The following ZMYND8 variants were observed in gnomAD, a reference collection of about 807,000 sequenced individuals.
The protein encoded by ZMYND8 is zinc finger MYND-type containing 8, also known as MYND-type zinc finger-containing chromatin reader ZMYND8.
In ZMYND8, 37 loss-of-function variants were observed where a neutral mutation model predicts 140.8. That is an observed-to-expected ratio of 0.26 (90% CI 0.20 to 0.35). ZMYND8 has a LOEUF of 0.35. Ranked by LOEUF, ZMYND8 falls within the 10% of genes least tolerant of loss-of-function variation. The pLI is 1.00. For synonymous variants in ZMYND8, 592 were observed against 597.1 expected (o/e 0.99, Z 0.12); for missense variants, 1,068 against 1,570.0 (o/e 0.68, Z 5.40).
At chr20:47,339,563 G>A (rs1276687055) in intron 2 of ZMYND8, among the ~76,000 whole-genome samples, 7 of 151,916 alleles carry the variant, frequency 4.6e-5, no homozygotes, top group South Asian at 4.2e-4. Context: ...TGCAAGCTCC[G>A]CCTCCCGGGT....
At chr20:47,303,825 T>A (rs1161137919) in intron 3 of ZMYND8, among the ~76,000 whole-genome samples, 1 of 152,146 alleles carries the variant, frequency 6.6e-6, no homozygotes, top group African/African-American at 2.4e-5. Flanking sequence ...GGTGCTCCCC[T>A]CCCAACCCCA....
intron 2 of ZMYND8, among the ~76,000 whole-genome samples, chr20:47,314,226 C>T (rs530779927): frequency 8.0e-4 from 122 of 151,814 alleles, no homozygotes; most frequent in African/African-American, 2.8e-3. Context: ...TGGCCAGGTG[C>T]GGTGGCTCAC....
chr20:47,239,159 AAAC>A (rs1422711126), intron 14 of ZMYND8, 21 bp from the exon 15 acceptor site: 2 of 1,484,826 alleles, frequency 1.3e-6, no homozygotes, highest in Non-Finnish European at 1.8e-6. Context: ...CATGAAGAAA[AAAC>A]AAACAAAAAC....
At chr20:47,218,488 C>A (rs1189149252) in intron 21 of ZMYND8, among the ~76,000 whole-genome samples, 1 of 152,036 alleles carries the variant, frequency 6.6e-6, no homozygotes, top group Non-Finnish European at 1.5e-5. Flanking sequence ...TTATTGTTAA[C>A]CAACAAAAAA....
chr20:47,300,503 A>G (rs2077943436), intron 3 of ZMYND8, among the ~76,000 whole-genome samples: 1 of 152,248 alleles, frequency 6.6e-6, no homozygotes, highest in Non-Finnish European at 1.5e-5. Flanking sequence ...ATAGACAGAA[A>G]TGCTGTCAGA....
rs956325938 is a variant in ZMYND8 at position 47,226,200 on chromosome 20, C to T, written c.3016+1003G>A. On this transcript the variant is annotated intron_variant, in intron 18 of 22. Transcript: ENST00000471951. ...CGAGAAGCAACAACACCCAAATCAG[C>T]GTCCAGAAAGAATGAACCAAGGGCT... Among the ~76,000 whole-genome samples, 5 of 151,176 alleles carry T rather than the reference C, an allele frequency of 3.3e-5. No homozygotes were observed. The South Asian group carries it at 6.3e-4, about 19-fold the overall frequency.
chr20:47,278,184 C>T (rs1020314653), intron 10 of ZMYND8, among the ~76,000 whole-genome samples: 2 of 152,140 alleles, frequency 1.3e-5, no homozygotes, highest in Non-Finnish European at 2.9e-5. Context: ...GGTCTCGCTA[C>T]ATTACCCAGG....
chr20:47,213,778 A>T (rs1384396667), intron 21 of ZMYND8, among the ~76,000 whole-genome samples: 1 of 152,214 alleles, frequency 6.6e-6, no homozygotes, highest in Non-Finnish European at 1.5e-5. Context: ...GGAAGAGAAG[A>T]GTAACTCTCA....
At chr20:47,240,011 CG>C (rs1284446569) in intron 14 of ZMYND8, among the ~76,000 whole-genome samples, 4 of 151,966 alleles carry the variant, frequency 2.6e-5, no homozygotes, top group Non-Finnish European at 5.9e-5. Flanking sequence ...CTGAGGCAGG[CG>C]GATCACTTGA....
rs2077790195 is a variant in ZMYND8 at position 47,298,481 on chromosome 20, T to C, written c.453+248A>G. 1.0e-6 allele frequency: 1 copy of C among 985,238 alleles called. No individual in the cohort carries two copies. 61.0% of individuals were successfully genotyped at this position (985,238 alleles called of 1,614,324 possible). ...AAGATGCAGAGATGACGACTACAGA[T>C]CTCCAAGGAATCCAAGGACTCATGA... On this transcript the variant is annotated intron_variant, in intron 4 of 22. Coordinates refer to ENST00000471951, the MANE Select transcript of ZMYND8 (RefSeq NM_001281775.3). This position sits in a 1 kb window ranked among gnomAD's most constrained non-coding sequence, Gnocchi z 5.0.
intron 2 of ZMYND8, among the ~76,000 whole-genome samples, chr20:47,323,357 C>G (rs906918644): frequency 6.6e-6 from 1 of 152,136 alleles, no homozygotes; most frequent in Non-Finnish European, 1.5e-5. Flanking sequence ...ATCCTCCCAC[C>G]TCAGGCTCCC....
intron 6 of ZMYND8, 83 bp downstream of exon 6, chr20:47,291,713 T>G: frequency 9.7e-7 from 1 of 1,028,596 alleles, no homozygotes; most frequent in Non-Finnish European, 1.4e-6. Flanking sequence ...GTCCAACTTG[T>G]GATAGAGCAT....
intron 3 of ZMYND8, among the ~76,000 whole-genome samples, chr20:47,303,373 T>C (rs770277063): frequency 3.3e-5 from 5 of 152,208 alleles, no homozygotes; most frequent in African/African-American, 1.2e-4. Flanking sequence ...ATTTTCAGTA[T>C]CTGACTTCTT....
At chr20:47,277,576 G>T (rs2076327853) in intron 10 of ZMYND8, among the ~76,000 whole-genome samples, 1 of 152,172 alleles carries the variant, frequency 6.6e-6, no homozygotes, top group African/African-American at 2.4e-5. Context: ...CCAGTTTCTG[G>T]CTGGAAAAAC....
At chr20:47,217,335 A>G (rs79646379) in intron 21 of ZMYND8, among the ~76,000 whole-genome samples, 2,794 of 152,310 alleles carry the variant, frequency 0.018, 101 homozygotes, top group East Asian at 0.16. Flanking sequence ...TATGGTTGCA[A>G]GCATGAGTCT....
chr20:47,326,369 T>C (rs1434401824), intron 2 of ZMYND8, among the ~76,000 whole-genome samples: 1 of 152,260 alleles, frequency 6.6e-6, no homozygotes, highest in Non-Finnish European at 1.5e-5. Flanking sequence ...CCCAAAGAGC[T>C]GGGATTCCAG....
chr20:47,261,761 G>T (rs2075173184), intron 12 of ZMYND8, among the ~76,000 whole-genome samples: 1 of 152,092 alleles, frequency 6.6e-6, no homozygotes, highest in South Asian at 2.1e-4. Context: ...AACTGAGGTG[G>T]AAACACTGGC....
intron 1 of ZMYND8, chr20:47,353,769 A>G (rs953460046): frequency 2.6e-4 from 40 of 152,364 alleles, no homozygotes; most frequent in African/African-American, 9.1e-4. Flanking sequence ...CAAACGTGGC[A>G]GAGAGAACAT....
intron 12 of ZMYND8, among the ~76,000 whole-genome samples, chr20:47,256,111 C>T (rs1036729249): frequency 1.3e-5 from 2 of 151,442 alleles, no homozygotes; most frequent in South Asian, 2.1e-4. Context: ...TAAAGCTGAA[C>T]GCAAACTACA....
Sources: allele counts gnomAD v4.1 joint callset (sites outside exome capture counted in the v4.1 genomes callset), GRCh38; gene constraint gnomAD v4.1.1; non-coding constraint Gnocchi (gnomAD v3.1); transcripts MANE v1.5; gene names NCBI Gene and HGNC (gene_info 2026-07-23, HGNC 2026-07-21).